The following EXOC4 variants were observed in gnomAD, a reference collection of about 807,000 sequenced individuals.
The protein encoded by EXOC4 is SEC8-like 1.
A neutral mutation model predicts 107.2 loss-of-function variants in EXOC4; 71 were observed. The observed-to-expected ratio is 0.66, with a 90% confidence interval of 0.55 to 0.81. The LOEUF (loss-of-function observed/expected upper bound fraction) is 0.81, where lower values mean the gene tolerates loss of function less well. Among genes scored for constraint, EXOC4 ranks in the 30% least tolerant of loss-of-function variants. The pLI is 0.00. For synonymous variants in EXOC4, 456 were observed against 441.2 expected (o/e 1.03, Z -0.42); for missense variants, 1,108 against 1,189.6 (o/e 0.93, Z 1.01).
intron 11 of EXOC4, among the ~76,000 whole-genome samples, chr7:133,825,832 T>A (rs900046872): frequency 6.6e-6 from 1 of 152,126 alleles, no homozygotes; most frequent in Non-Finnish European, 1.5e-5. Context: ...AAAAGAGAAC[T>A]GATCAATTGA....
chr7:133,917,614 A>G lies in EXOC4; in HGVS notation c.1903A>G (p.Ile635Val), dbSNP rs1799840042. Residue 635 changes from isoleucine (I) to valine (V), a missense_variant, in exon 13 of 18, where the codon ATC (isoleucine) becomes GTC (valine). Coordinates refer to ENST00000253861, the MANE Select transcript of EXOC4 (RefSeq NM_021807.4). Reference sequence around the variant, plus strand: ...TGTCCAGTCAGAAGAAAAACTTGTCATCAGTGCATCCTGGGCAAAAGATGA... The same window carrying G: ...TGTCCAGTCAGAAGAAAAACTTGTCGTCAGTGCATCCTGGGCAAAAGATGA... ...GIVQSEEKLVISASWAKDDDI... is the reference protein window; with the variant it reads ...GIVQSEEKLVVSASWAKDDDI... 1 of 1,614,086 alleles carries G rather than the reference A, an allele frequency of 6.2e-7. No individual in the cohort carries two copies. The highest frequency in any genetic ancestry group is 8.5e-7 in the Non-Finnish European group (1 of 1,179,986).
At position 133,892,862 on chromosome 7, in the gene EXOC4, G is replaced by A. The variant is rs1359506080; in HGVS notation, c.1735-2737G>A. ...TACTTCCAACTATGTGGTCAATTTT[G>A]GAATAGGTGTGGTGTGGTAATGAAA... On this transcript the variant is annotated intron_variant, in intron 11 of 17. Transcript: ENST00000253861. Among the ~76,000 whole-genome samples, 3 of 144,026 alleles carry A rather than the reference G, an allele frequency of 2.1e-5. 1 individual carries two copies. The South Asian group carries it at 7.0e-4, about 34-fold the overall frequency. The allele number at this position is 144,026 out of a possible 152,430, so 94.5% of individuals were successfully genotyped here.
chr7:133,419,164 T>C (rs914998230), intron 7 of EXOC4, among the ~76,000 whole-genome samples: 1 of 152,084 alleles, frequency 6.6e-6, no homozygotes, highest in Admixed American at 6.5e-5. Context: ...TTCAAGAAAA[T>C]AACAAGGTGG....
At chr7:133,629,530 T>TTTTGTTCG (rs1802537239) in intron 9 of EXOC4, among the ~76,000 whole-genome samples, 1 of 149,740 alleles carries the variant, frequency 6.7e-6, no homozygotes, top group African/African-American at 2.5e-5. Context: ...TTTTGTTTTG[T>TTTTGTTCG]TTTGTTTGTT....
At position 133,576,977 on chromosome 7, in the gene EXOC4, T is replaced by G. The variant is rs1356316385; in HGVS notation, c.1418-53068T>G. ...AGGTGAGTGAGAGTGAGAAAGATAA[T>G]ATGCCCGGGGTTGGATGTCTGTTTT... On this transcript the variant is annotated intron_variant, in intron 9 of 17. Coordinates refer to ENST00000253861, the MANE Select transcript of EXOC4 (RefSeq NM_021807.4). The G allele has an allele frequency of 8.3e-6, 6 of 723,406 alleles. No individual in the cohort carries two copies. The Admixed American group carries it at 1.8e-4, about 21-fold the overall frequency. The allele number at this position is 723,406 out of a possible 1,614,324, so 44.8% of individuals were successfully genotyped here.
intron 9 of EXOC4, among the ~76,000 whole-genome samples, chr7:133,493,249 G>C (rs747991111): frequency 6.6e-6 from 1 of 152,030 alleles, no homozygotes; most frequent in Non-Finnish European, 1.5e-5. Flanking sequence ...ACATGGTGAA[G>C]TCCTGTCTCT....
chr7:133,282,476 TTATAAA>T (rs919767563), intron 2 of EXOC4, among the ~76,000 whole-genome samples: 6 of 152,308 alleles, frequency 3.9e-5, no homozygotes, highest in African/African-American at 1.2e-4. Context: ...TTAATTATAC[TTATAAA>T]TTAAATAGAA....
chr7:133,802,461 T>C (rs1451043130), intron 10 of EXOC4, among the ~76,000 whole-genome samples: 1 of 152,208 alleles, frequency 6.6e-6, no homozygotes, highest in Non-Finnish European at 1.5e-5. Flanking sequence ...TGCTTAGATA[T>C]TTGGTAGGCT....
chr7:133,715,185 T>A (rs1170446308), intron 10 of EXOC4, among the ~76,000 whole-genome samples: 3 of 152,198 alleles, frequency 2.0e-5, no homozygotes, highest in Non-Finnish European at 4.4e-5. Flanking sequence ...TGTTTTTAAA[T>A]AATTTCTTTT....
chr7:134,058,893 A>G (rs147054739), intron 17 of EXOC4, among the ~76,000 whole-genome samples: 4 of 152,328 alleles, frequency 2.6e-5, no homozygotes, highest in African/African-American at 9.6e-5. Flanking sequence ...TCTCATATGT[A>G]TAACGTAGAT....
chr7:133,519,490 C>G (rs1284195298), intron 9 of EXOC4, among the ~76,000 whole-genome samples: 1 of 151,936 alleles, frequency 6.6e-6, no homozygotes, highest in Non-Finnish European at 1.5e-5. Flanking sequence ...GAAAATACAT[C>G]ATAAATAAAA....
chr7:133,723,796 A>AT (rs1438470979), intron 10 of EXOC4, among the ~76,000 whole-genome samples: 3 of 151,268 alleles, frequency 2.0e-5, no homozygotes, highest in Non-Finnish European at 2.9e-5. Flanking sequence ...CAACTTATTT[A>AT]TTTTTTTCTT....
In EXOC4 at chr7:133,979,381, G is replaced by A. The variant is rs113504734; in HGVS notation, c.2207-18111G>A. Among the ~76,000 whole-genome samples, 27 of 152,086 alleles carry A rather than the reference G, an allele frequency of 1.8e-4. 1 individual carries two copies. Among genetic ancestry groups the A allele is most frequent in the African/African-American group, 4.3e-4 (18 of 41,486 alleles). Reference sequence around the variant, plus strand: ...CTTTGGTAGAAAGGAAATAAACGGCGGTCAGGAAATAAATGCTGACTCCAG... The same window carrying A: ...CTTTGGTAGAAAGGAAATAAACGGCAGTCAGGAAATAAATGCTGACTCCAG... On this transcript the variant is annotated intron_variant, in intron 14 of 17. Transcript: ENST00000253861.
intron 9 of EXOC4, among the ~76,000 whole-genome samples, chr7:133,540,343 G>A (rs79800953): frequency 0.033 from 5,024 of 152,040 alleles, 267 homozygotes; most frequent in African/African-American, 0.11. Flanking sequence ...ATTTGTCAAC[G>A]AACCACTAAT....
intron 9 of EXOC4, among the ~76,000 whole-genome samples, chr7:133,627,619 ATATT>A (rs1391153561): frequency 1.3e-5 from 2 of 152,156 alleles, no homozygotes; most frequent in East Asian, 1.9e-4. Context: ...TAAAGAAGTT[ATATT>A]TATTTATCAT....
chr7:133,420,865 ATTC>A (rs1797588691), intron 7 of EXOC4, among the ~76,000 whole-genome samples: 1 of 150,936 alleles, frequency 6.6e-6, no homozygotes, highest in African/African-American at 2.4e-5. Context: ...AATTTTTGGT[ATTC>A]TTTCTCCCTG....
At chr7:133,717,719 T>C (rs1367219821) in intron 10 of EXOC4, among the ~76,000 whole-genome samples, 1 of 152,212 alleles carries the variant, frequency 6.6e-6, no homozygotes, top group Non-Finnish European at 1.5e-5. Context: ...AAATGCCTAT[T>C]TTTTACATGT....
chr7:133,735,250 A>AAAAAAG (rs1795419196), intron 10 of EXOC4, among the ~76,000 whole-genome samples: 1 of 148,096 alleles, frequency 6.8e-6, no homozygotes, highest in Non-Finnish European at 1.5e-5. Context: ...AAAAAAAAAA[A>AAAAAAG]AAGTTAAAGT....
At chr7:134,035,179 G>C (rs2881402) in intron 17 of EXOC4, among the ~76,000 whole-genome samples, 28,090 of 151,298 alleles carry the variant, frequency 0.19, 2,981 homozygotes, top group East Asian at 0.42. Flanking sequence ...TGGAGTAGCT[G>C]GGATTACAGG....
Sources: allele counts gnomAD v4.1 joint callset (sites outside exome capture counted in the v4.1 genomes callset), GRCh38; gene constraint gnomAD v4.1.1; transcripts MANE v1.5; gene names NCBI Gene and HGNC (gene_info 2026-07-23, HGNC 2026-07-21).